Variants in C12orf54 observed in about 807,000 individuals in gnomAD.
C12orf54 encodes chromosome 12 open reading frame 54.
Under a neutral mutation model 26.4 loss-of-function variants are expected in C12orf54, and 24 were observed. The ratio of observed to expected loss-of-function variants is 0.91; its 90% CI spans 0.66 to 1.28. The LOEUF (loss-of-function observed/expected upper bound fraction) is 1.28. C12orf54 is among the 50% of genes most tolerant of loss of function. The probability of loss-of-function intolerance (pLI) is 0.00; values close to 1 mark genes in which losing one functional copy is unlikely to be tolerated. For synonymous variants in C12orf54, 54 were observed against 47.0 expected (o/e 1.15, Z -0.61); for missense variants, 154 against 150.9 (o/e 1.02, Z -0.11).
At chr12:48,477,255 A>G in the C12orf54 span, among the ~76,000 whole-genome samples, 1 of 152,232 alleles carries the variant, frequency 6.6e-6, no homozygotes, top group Non-Finnish European at 1.5e-5. Flanking sequence ...CAGTGTGTAG[A>G]GGGAAATTTA....
chr12:48,483,114 G>A, intron 1 of C12orf54, 126 bp from the exon 2 acceptor site: 1 of 590,004 alleles, frequency 1.7e-6, no homozygotes, highest in East Asian at 2.9e-5. Context: ...GCACACACAT[G>A]CACATGCACA....
the C12orf54 span, among the ~76,000 whole-genome samples, chr12:48,473,866 C>T: frequency 1.7e-4 from 26 of 152,256 alleles, no homozygotes; most frequent in South Asian, 1.2e-3. Context: ...ATGCTTTTCG[C>T]GGAACTGCTA....
At chr12:48,457,376 C>T in the C12orf54 span, among the ~76,000 whole-genome samples, 2 of 151,838 alleles carry the variant, frequency 1.3e-5, no homozygotes, top group African/African-American at 4.8e-5. Flanking sequence ...CTCTGTGGCC[C>T]AGGCTGGAGT....
chr12:48,475,875 A>C, the C12orf54 span, among the ~76,000 whole-genome samples: 1 of 152,162 alleles, frequency 6.6e-6, no homozygotes, highest in Non-Finnish European at 1.5e-5. Flanking sequence ...GCCAACATTC[A>C]GATTCAGGAA....
the C12orf54 span, among the ~76,000 whole-genome samples, chr12:48,423,249 T>C: frequency 1.3e-5 from 2 of 152,114 alleles, no homozygotes; most frequent in Admixed American, 6.5e-5. Context: ...GGAAATGCTA[T>C]AATAAAAAGT....
chr12:48,420,643 G>A, the C12orf54 span, among the ~76,000 whole-genome samples: 1 of 151,994 alleles, frequency 6.6e-6, no homozygotes, highest in Admixed American at 6.6e-5. Flanking sequence ...AAACACAGAT[G>A]GCCTAATCAC....
intron 6 of C12orf54, 69 bp from the exon 7 acceptor site, chr12:48,492,878 G>T: frequency 2.9e-6 from 4 of 1,396,236 alleles, no homozygotes; most frequent in South Asian, 1.2e-5. Flanking sequence ...TCAAGGATGT[G>T]AGCTGGGCAG....
chr12:48,463,235 G>A, the C12orf54 span, among the ~76,000 whole-genome samples: 14 of 151,726 alleles, frequency 9.2e-5, no homozygotes, highest in African/African-American at 3.1e-4. Flanking sequence ...AAGAAGCTAA[G>A]GGGGATATTA....
chr12:48,442,747 CAAG>C, the C12orf54 span: 1 of 159,332 alleles, frequency 6.3e-6, no homozygotes, highest in South Asian at 1.8e-4. Context: ...GGCAGAGATC[CAAG>C]AAGGACAATT....
the C12orf54 span, among the ~76,000 whole-genome samples, chr12:48,429,067 AC>A: frequency 6.6e-6 from 1 of 152,176 alleles, no homozygotes; most frequent in African/African-American, 2.4e-5. Flanking sequence ...AACAAAAATC[AC>A]ATGATCATCT....
the C12orf54 span, among the ~76,000 whole-genome samples, chr12:48,454,105 T>G: frequency 1.4e-5 from 2 of 146,652 alleles, no homozygotes; most frequent in Non-Finnish European, 3.0e-5. Context: ...TGTTTTTTTT[T>G]TTTTTTTTTT....
At chr12:48,437,693 A>G in the C12orf54 span, among the ~76,000 whole-genome samples, 1 of 152,198 alleles carries the variant, frequency 6.6e-6, no homozygotes. Context: ...CCTTTGACAA[A>G]ATTCAACAAT....
the C12orf54 span, among the ~76,000 whole-genome samples, chr12:48,475,821 T>C: frequency 6.6e-6 from 1 of 152,196 alleles, no homozygotes; most frequent in Non-Finnish European, 1.5e-5. Flanking sequence ...GAAAACACTC[T>C]GCAGGATATT....
the C12orf54 span, among the ~76,000 whole-genome samples, chr12:48,437,678 A>G: frequency 6.6e-6 from 1 of 152,220 alleles, no homozygotes; most frequent in Non-Finnish European, 1.5e-5. Flanking sequence ...TCGATGCAGA[A>G]AAGGCCTTTG....
At chr12:48,446,181 A>G in the C12orf54 span, among the ~76,000 whole-genome samples, 2 of 152,232 alleles carry the variant, frequency 1.3e-5, no homozygotes, top group African/African-American at 2.4e-5. Flanking sequence ...ATGTACCACA[A>G]CTGTCTGATC....
the C12orf54 span, among the ~76,000 whole-genome samples, chr12:48,421,512 CTTTTTTTTTTTTTTT>C: frequency 6.9e-5 from 3 of 43,450 alleles, no homozygotes; most frequent in Admixed American, 4.4e-4. Context: ...ATATCATGTG[CTTTTTTTTTTTTTTT>C]TTTTTTTTTT....
At chr12:48,424,004 G>A in the C12orf54 span, among the ~76,000 whole-genome samples, 1 of 152,020 alleles carries the variant, frequency 6.6e-6, no homozygotes, top group Non-Finnish European at 1.5e-5. Flanking sequence ...TACAAGTTAA[G>A]GGTGTTCTCA....
the C12orf54 span, among the ~76,000 whole-genome samples, chr12:48,462,339 A>T: frequency 6.6e-6 from 1 of 151,634 alleles, no homozygotes; most frequent in Non-Finnish European, 1.5e-5. Flanking sequence ...ATAAAAAATA[A>T]ACAACAACTT....
chr12:48,437,633 C>T, the C12orf54 span, among the ~76,000 whole-genome samples: 4 of 152,286 alleles, frequency 2.6e-5, no homozygotes, highest in East Asian at 7.7e-4. Flanking sequence ...AGCATATAAA[C>T]AGAACCAAAG....
Sources: allele counts gnomAD v4.1 joint callset (sites outside exome capture counted in the v4.1 genomes callset), GRCh38; gene constraint gnomAD v4.1.1; transcripts MANE v1.5; gene names NCBI Gene and HGNC (gene_info 2026-07-23, HGNC 2026-07-21).